Variants in NYAP2 observed in about 807,000 individuals in gnomAD.
NYAP2 encodes neuronal tyrosine-phosphorylated phosphoinositide-3-kinase adapter 2.
Under a neutral mutation model 50.4 loss-of-function variants are expected in NYAP2, and 23 were observed. The ratio of observed to expected loss-of-function variants is 0.46; its 90% confidence interval spans 0.33 to 0.65. The LOEUF (loss-of-function observed/expected upper bound fraction) is 0.65. NYAP2 is among the 30% of genes least tolerant of loss of function. The pLI is 0.02. For synonymous variants in NYAP2, 394 were observed against 365.2 expected (o/e 1.08, Z -0.90); for missense variants, 885 against 861.0 (o/e 1.03, Z -0.35).
chr2:225,540,121 G>T (rs922686369), intron 4 of NYAP2, among the ~76,000 whole-genome samples: 5 of 152,114 alleles, frequency 3.3e-5, no homozygotes, highest in African/African-American at 1.2e-4. Flanking sequence ...TTTTGTCAAA[G>T]CCATTCAACA....
chr2:225,688,124 A>G, the NYAP2 span, among the ~76,000 whole-genome samples: 1 of 152,298 alleles, frequency 6.6e-6, no homozygotes. Flanking sequence ...AACTTCAGCC[A>G]AAGGGCCAAG....
intron 3 of NYAP2, among the ~76,000 whole-genome samples, chr2:225,442,505 A>G (rs114669195): frequency 2.1e-4 from 32 of 152,350 alleles, no homozygotes; most frequent in African/African-American, 7.5e-4. Flanking sequence ...GTCCATTTTC[A>G]TACTTCTATG....
chr2:225,445,344 T>G (rs1689536172), intron 3 of NYAP2, among the ~76,000 whole-genome samples: 1 of 151,944 alleles, frequency 6.6e-6, no homozygotes, highest in Non-Finnish European at 1.5e-5. Context: ...TACATAAAAA[T>G]TTTCCTCTTT....
At chr2:225,580,937 C>T (rs576469991) in intron 4 of NYAP2, among the ~76,000 whole-genome samples, 184 of 152,286 alleles carry the variant, frequency 1.2e-3, no homozygotes, top group Non-Finnish European at 2.4e-3. Flanking sequence ...TAAAGATGAT[C>T]ACTGTAATCA....
At chr2:225,509,018 G>T (rs902271251) in intron 3 of NYAP2, among the ~76,000 whole-genome samples, 1 of 152,230 alleles carries the variant, frequency 6.6e-6, no homozygotes, top group Non-Finnish European at 1.5e-5. Flanking sequence ...AACTTGGAAG[G>T]GTGCAGTTAG....
At chr2:225,449,748 A>G (rs967630995) in intron 3 of NYAP2, among the ~76,000 whole-genome samples, 1 of 151,648 alleles carries the variant, frequency 6.6e-6, no homozygotes, top group Non-Finnish European at 1.5e-5. Context: ...AGCTGGGATT[A>G]TAGGTGCCTG....
intron 6 of NYAP2, among the ~76,000 whole-genome samples, chr2:225,642,540 T>C (rs1228336715): frequency 6.6e-6 from 1 of 152,152 alleles, no homozygotes; most frequent in Non-Finnish European, 1.5e-5. Context: ...TTAGCAAACC[T>C]TGTGAAAAGG....
rs191992954 is a variant in NYAP2 at position 225,582,842 on chromosome 2, G to T, written c.1425G>T (p.Ser475=). ...GGAGCTCTCCTTCAGTGCCTCACTC[G>T]ACCCCCAGACCCGTGTCGCAAGATG... Residue 475 remains serine (S), a synonymous_variant, in exon 5 of 7, where the codon TCG becomes TCT. Coordinates refer to ENST00000636099, the Ensembl canonical transcript of NYAP2. The surrounding 1 kb of genome is among the most constrained non-coding windows in gnomAD (Gnocchi z 7.0). The T allele has an allele frequency of 7.5e-4, 1,208 of 1,613,782 alleles. 12 individuals carry two copies. Among genetic ancestry groups the T allele is most frequent in the Non-Finnish European group, 6.7e-5 (79 of 1,179,874 alleles).
rs368676665 is a variant in NYAP2, at chr2:225,472,906, C to T, written c.222-40465C>T. Among the ~76,000 whole-genome samples the T allele has an allele frequency of 5.0e-3, 768 of 152,086 alleles. 4 individuals are homozygous for T. Among genetic ancestry groups the T allele is most frequent in the African/African-American group, 0.017 (712 of 41,480 alleles). On this transcript the variant is annotated intron_variant, in intron 3 of 6. Coordinates refer to ENST00000636099, the Ensembl canonical transcript of NYAP2. ...CATGTGCCATGTTGGTGTGCTGCACCCATTAACTTGTCATTTACATTAGGC... is the reference window on the plus strand; with the variant it reads ...CATGTGCCATGTTGGTGTGCTGCACTCATTAACTTGTCATTTACATTAGGC...
the NYAP2 span, chr2:225,702,502 CTCT>C: frequency 6.6e-6 from 1 of 151,520 alleles, no homozygotes; most frequent in Admixed American, 6.6e-5. Flanking sequence ...ATATGGCATT[CTCT>C]TTTTTTTCAG....
At chr2:225,453,421 G>A (rs1269324275) in intron 3 of NYAP2, among the ~76,000 whole-genome samples, 1 of 152,124 alleles carries the variant, frequency 6.6e-6, no homozygotes, top group Non-Finnish European at 1.5e-5. Context: ...AAGCTTCCCA[G>A]TGATGCCAAT....
At chr2:225,553,331 T>G (rs1464749366) in intron 4 of NYAP2, among the ~76,000 whole-genome samples, 1 of 152,222 alleles carries the variant, frequency 6.6e-6, no homozygotes, top group Non-Finnish European at 1.5e-5. Context: ...CTCTAGGGCC[T>G]CTTCCTCCTC....
chr2:225,603,980 G>C (rs1692742228), intron 5 of NYAP2, among the ~76,000 whole-genome samples: 1 of 152,046 alleles, frequency 6.6e-6, no homozygotes. Context: ...TATGAAAAAA[G>C]ATACAATAGC....
intron 3 of NYAP2, among the ~76,000 whole-genome samples, chr2:225,450,059 G>A (rs973104624): frequency 6.6e-6 from 1 of 152,156 alleles, no homozygotes. Context: ...AAGATAATAT[G>A]TGGTCTTGAT....
rs12611940 is a variant in NYAP2, at chr2:225,589,941, C to T, written c.1618+6906C>T. On this transcript the variant is annotated intron_variant, in intron 5 of 6. Coordinates refer to ENST00000636099, the Ensembl canonical transcript of NYAP2. ...AGGCATGTTGACTTTGGGCAGGACTCCTGGATGTACGGTAACTTGGAGCAA... is the reference window on the plus strand; with the variant it reads ...AGGCATGTTGACTTTGGGCAGGACTTCTGGATGTACGGTAACTTGGAGCAA... Among the ~76,000 whole-genome samples the T allele has an allele frequency of 1.7e-4, 26 of 152,078 alleles. No individual in the cohort carries two copies. In the East Asian group the frequency reaches 4.7e-3, roughly 27 times the overall value.
At chr2:225,458,134 G>A (rs892102426) in intron 3 of NYAP2, among the ~76,000 whole-genome samples, 1 of 151,774 alleles carries the variant, frequency 6.6e-6, no homozygotes, top group Non-Finnish European at 1.5e-5. Flanking sequence ...AATTAGCCAG[G>A]CATTTTACAT....
chr2:225,605,326 T>C (rs1692767089), intron 5 of NYAP2, among the ~76,000 whole-genome samples: 1 of 152,106 alleles, frequency 6.6e-6, no homozygotes, highest in Non-Finnish European at 1.5e-5. Flanking sequence ...AAATTAAAAG[T>C]GGGAACTCTT....
intron 3 of NYAP2, among the ~76,000 whole-genome samples, chr2:225,508,577 A>T (rs1690752205): frequency 6.6e-6 from 1 of 152,212 alleles, no homozygotes. Flanking sequence ...AGGTAGGACA[A>T]GTCTGAGATC....
rs571130435 is a variant in NYAP2, at chr2:225,519,777, G to T, written c.523+6105G>T. ...AGCAGCATGATTTATAATCCTTTGG[G>T]TATATACCCAGTAATGGGATGGCTG... On this transcript the variant is annotated intron_variant, in intron 4 of 6. Coordinates refer to ENST00000636099, the Ensembl canonical transcript of NYAP2. Among the ~76,000 whole-genome samples the T allele has an allele frequency of 2.0e-5, 3 of 152,210 alleles. No homozygotes were observed. In the South Asian group the frequency reaches 6.2e-4, roughly 32 times the overall value.
Sources: allele counts gnomAD v4.1 joint callset (sites outside exome capture counted in the v4.1 genomes callset), GRCh38; gene constraint gnomAD v4.1.1; non-coding constraint Gnocchi (gnomAD v3.1); transcripts MANE v1.5; gene names NCBI Gene and HGNC (gene_info 2026-07-23, HGNC 2026-07-21).